The following RNF130 variants were observed in gnomAD, a reference collection of about 807,000 sequenced individuals.
The protein encoded by RNF130 is E3 ubiquitin-protein ligase RNF130.
RNF130 carries 21 observed loss-of-function variants against 44.6 expected under a neutral mutation model. That is an observed-to-expected ratio of 0.47 (90% CI 0.33 to 0.68). The LOEUF (loss-of-function observed/expected upper bound fraction) is 0.68. Ranked by LOEUF, RNF130 falls within the 30% of genes least tolerant of loss-of-function variation. The pLI, the probability that RNF130 is intolerant of heterozygous loss-of-function variation, is 0.02. For synonymous variants in RNF130, 214 were observed against 210.4 expected, an observed-to-expected ratio of 1.02 and a Z score of -0.15; for missense variants, 479 against 560.6, an observed-to-expected ratio of 0.85 and a Z score of 1.47.
At chr5:179,970,259 C>T (rs369056648) in intron 6 of RNF130, 151 bp downstream of exon 6, 97 of 540,452 alleles carry the variant, frequency 1.8e-4, no homozygotes, top group Middle Eastern at 1.2e-3. Context: ...GTAAAAAGGT[C>T]CTGTTGGGCT....
intron 1 of RNF130, among the ~76,000 whole-genome samples, chr5:180,046,206 C>G (rs879763978): frequency 3.7e-4 from 56 of 152,274 alleles, no homozygotes; most frequent in Middle Eastern, 6.8e-3. Context: ...CCTCACTGAC[C>G]GGGGCAGGTG....
At position 180,013,042 on chromosome 5, in the gene RNF130, T is replaced by TG; in HGVS notation, c.693+18dup. The stretch of plus-strand genomic sequence containing the variant: ...ACTCTGGCTGTTACGAACCAATCAC[T>TG]GTTGAGTACTGAGCTCACCTGGTTC... On this transcript the variant is annotated intron_variant, in intron 3 of 8. Coordinates refer to ENST00000521389, the MANE Select transcript of RNF130 (RefSeq NM_018434.6). The TG allele has an allele frequency of 6.2e-7, 1 of 1,604,976 alleles. No homozygotes were observed. Among genetic ancestry groups the TG allele is most frequent in the Non-Finnish European group, 8.5e-7 (1 of 1,175,782 alleles).
intron 7 of RNF130, among the ~76,000 whole-genome samples, chr5:179,925,389 G>A (rs1210528068): frequency 1.3e-5 from 2 of 152,320 alleles, no homozygotes; most frequent in Admixed American, 1.3e-4. Context: ...GTACCGGTAG[G>A]GGAGGGCACT....
intron 1 of RNF130, among the ~76,000 whole-genome samples, chr5:180,055,779 G>T (rs1018762336): frequency 2.0e-5 from 3 of 152,010 alleles, no homozygotes; most frequent in Non-Finnish European, 4.4e-5. Flanking sequence ...ACTATAAAGG[G>T]TTAAAAAACA....
At chr5:179,921,598 G>C (rs1042010388) in intron 7 of RNF130, among the ~76,000 whole-genome samples, 4 of 152,158 alleles carry the variant, frequency 2.6e-5, no homozygotes, top group African/African-American at 9.7e-5. Context: ...AGGAGTTCAA[G>C]ACCAGCTTCA....
At chr5:179,940,664 CTT>C (rs1761958883) in intron 7 of RNF130, among the ~76,000 whole-genome samples, 1 of 151,990 alleles carries the variant, frequency 6.6e-6, no homozygotes, top group Admixed American at 6.6e-5. Context: ...CTTAAAATAA[CTT>C]ACTGTGATAT....
Position 179,978,275 on chromosome 5 carries a change from G to C in RNF130, c.776C>G (p.Pro259Arg). The C allele has an allele frequency of 1.9e-6, 3 of 1,613,640 alleles. No individual in the cohort carries two copies. Among genetic ancestry groups the C allele is most frequent in the Non-Finnish European group, 2.5e-6 (3 of 1,179,578 alleles). The change falls in exon 5 of 9, where the codon CCA becomes CGA. Residue 259 changes from proline to arginine, a missense_variant. Coordinates refer to ENST00000521389, the MANE Select transcript of RNF130 (RefSeq NM_018434.6). ...GCAGACTGCACAATGATCAAAGTCT[G>C]GGTCAGTTTCCTAAAATGAAAAGTA... Reference protein sequence around the residue: ...TVKKGDKETDPDFDHCAVCIE... With the variant: ...TVKKGDKETDRDFDHCAVCIE...
At chr5:180,033,267 C>T (rs1764173793) in intron 2 of RNF130, among the ~76,000 whole-genome samples, 1 of 152,200 alleles carries the variant, frequency 6.6e-6, no homozygotes. Context: ...CAGGTGTGTG[C>T]TACCACACTT....
intron 3 of RNF130, among the ~76,000 whole-genome samples, chr5:180,012,196 C>A (rs150009147): frequency 6.6e-6 from 1 of 152,128 alleles, no homozygotes; most frequent in African/African-American, 2.4e-5. Context: ...CCAAAGTCTG[C>A]GCTTTTTCCG....
intron 3 of RNF130, among the ~76,000 whole-genome samples, chr5:180,007,740 T>C (rs1763494621): frequency 6.6e-6 from 1 of 152,170 alleles, no homozygotes; most frequent in Non-Finnish European, 1.5e-5. Context: ...GTTTGTGGCC[T>C]GCACCAGATG....
chr5:179,987,167 C>CT lies in RNF130; in HGVS notation c.694-6968dup, dbSNP rs1280865682. Among the ~76,000 whole-genome samples the CT allele has an allele frequency of 7.9e-5, 12 of 151,628 alleles. No homozygotes were observed. In the South Asian group the frequency reaches 1.7e-3, roughly 21 times the overall value. On this transcript the variant is annotated intron_variant, in intron 3 of 8. Transcript: ENST00000521389. The stretch of plus-strand genomic sequence containing the variant: ...CCTCCTTTCCTTCCTTCCTTTCTTT[C>CT]TTCTATTTTTTTTCTTAGAGACAGG...
At chr5:180,060,877 G>A (rs1309160547) in intron 1 of RNF130, among the ~76,000 whole-genome samples, 2 of 152,004 alleles carry the variant, frequency 1.3e-5, no homozygotes, top group African/African-American at 2.4e-5. Flanking sequence ...AGACCATCCT[G>A]GCTAACACGG....
intron 3 of RNF130, among the ~76,000 whole-genome samples, chr5:179,993,986 C>A (rs1007032099): frequency 3.9e-5 from 6 of 152,178 alleles, no homozygotes; most frequent in Admixed American, 2.6e-4. Context: ...ATAGGGAATC[C>A]TTTCCCCATT....
At chr5:179,922,889 A>G (rs1761654616) in intron 7 of RNF130, among the ~76,000 whole-genome samples, 1 of 151,972 alleles carries the variant, frequency 6.6e-6, no homozygotes, top group African/African-American at 2.4e-5. Flanking sequence ...AGCCGAGACT[A>G]CACTACTGCC....
chr5:179,939,761 T>C, intron 7 of RNF130: 1 of 433,200 alleles, frequency 2.3e-6, no homozygotes, highest in Non-Finnish European at 4.5e-6. Context: ...ACCCCCTCCC[T>C]TGGCGACTCC....
intron 7 of RNF130, among the ~76,000 whole-genome samples, chr5:179,930,206 T>C (rs1017125330): frequency 1.1e-4 from 16 of 152,142 alleles, no homozygotes; most frequent in South Asian, 2.1e-4. Flanking sequence ...TACAGGCATC[T>C]GCCACCACAC....
At chr5:179,920,503 C>A in intron 7 of RNF130, 1 of 665,192 alleles carries the variant, frequency 1.5e-6, no homozygotes, top group Non-Finnish European at 2.8e-6. Flanking sequence ...GGAAACAATG[C>A]AGATTATCTT....
At chr5:179,953,479 C>G (rs554367641), downstream of RNF130, among the ~76,000 whole-genome samples, 1 of 152,254 alleles carries the variant, frequency 6.6e-6, no homozygotes, top group East Asian at 1.9e-4. Context: ...ACTCATATGT[C>G]ATTCTCAATT....
At chr5:179,979,086 G>C (rs1277083609) in intron 4 of RNF130, among the ~76,000 whole-genome samples, 1 of 151,902 alleles carries the variant, frequency 6.6e-6, no homozygotes, top group Non-Finnish European at 1.5e-5. Flanking sequence ...GTGCTGGCCC[G>C]GGATACAAAG....
Sources: gnomAD v4.1 joint callset for allele counts (sites outside exome capture counted in the v4.1 genomes callset) on GRCh38, gnomAD v4.1.1 for gene constraint, MANE v1.5 for transcripts, NCBI Gene and HGNC (gene_info 2026-07-23, HGNC 2026-07-21) for gene names.